The following PDSS2 variants were observed in gnomAD, a reference collection of about 807,000 sequenced individuals.
PDSS2 encodes decaprenyl diphosphate synthase subunit 2, also known as all trans-polyprenyl-diphosphate synthase PDSS2.
In PDSS2, 31 loss-of-function variants were observed where a neutral mutation model predicts 44.5. That is an observed-to-expected ratio of 0.70 (90% CI 0.52 to 0.94). The LOEUF (loss-of-function observed/expected upper bound fraction) is 0.94. PDSS2 is among the 40% of genes least tolerant of loss of function. PDSS2 has a pLI of 0.00. For synonymous variants in PDSS2, 157 were observed against 180.3 expected (o/e 0.87, Z 1.03); for missense variants, 452 against 482.2 (o/e 0.94, Z 0.59).
At chr6:107,162,494 CA>C (rs374615595) in intron 7 of PDSS2, among the ~76,000 whole-genome samples, 3,018 of 58,426 alleles carry the variant, frequency 0.052, 18 homozygotes, top group Middle Eastern at 0.16. Flanking sequence ...GAGACCATCT[CA>C]AAAAAAAAAA....
chr6:107,284,527 G>A (rs1021395012), intron 2 of PDSS2, among the ~76,000 whole-genome samples: 4 of 152,012 alleles, frequency 2.6e-5, no homozygotes, highest in African/African-American at 9.7e-5. Flanking sequence ...CTGGCGTGGT[G>A]GCAGGCGCCT....
intron 7 of PDSS2, among the ~76,000 whole-genome samples, chr6:107,173,913 G>A (rs373352687): frequency 2.0e-5 from 3 of 152,148 alleles, no homozygotes; most frequent in African/African-American, 4.8e-5. Flanking sequence ...AGTGACTCAT[G>A]AAAAATGTTG....
At chr6:107,340,369 C>T (rs1778043901) in intron 1 of PDSS2, among the ~76,000 whole-genome samples, 1 of 152,132 alleles carries the variant, frequency 6.6e-6, no homozygotes, top group East Asian at 1.9e-4. Context: ...TCAGCTCTGT[C>T]TTCTCCATTG....
At position 107,241,554 on chromosome 6, in the gene PDSS2, G is replaced by A. The variant is rs184893218; in HGVS notation, c.702+3994C>T. The stretch of plus-strand genomic sequence containing the variant: ...GTAGAGACAGGGTTTCACCGTGTTA[G>A]CCAGGACGGCCTCGATCTCCTGACC... On this transcript the variant is annotated intron_variant, in intron 4 of 7. Coordinates refer to ENST00000369037, the MANE Select transcript of PDSS2 (RefSeq NM_020381.4). 2.9e-3 allele frequency among the ~76,000 whole-genome samples: 434 copies of A among 151,934 alleles called. 6 individuals carry two copies. The highest frequency in any genetic ancestry group is 0.027 in the Admixed American group (412 of 15,240).
intron 2 of PDSS2, among the ~76,000 whole-genome samples, chr6:107,291,558 G>T (rs1776350237): frequency 1.3e-5 from 2 of 149,018 alleles, no homozygotes; most frequent in South Asian, 2.1e-4. Context: ...AGACGGGGGG[G>T]TCTCACTATG....
chr6:107,275,662 T>C (rs922594854), intron 2 of PDSS2, among the ~76,000 whole-genome samples: 10 of 152,206 alleles, frequency 6.6e-5, no homozygotes, highest in African/African-American at 2.4e-4. Context: ...ATTTGCTATG[T>C]AGCAACAGAT....
chr6:107,233,975 T>C (rs1333467512), intron 4 of PDSS2, among the ~76,000 whole-genome samples: 1 of 152,270 alleles, frequency 6.6e-6, no homozygotes, highest in South Asian at 2.1e-4. Flanking sequence ...AAGACCAGCC[T>C]GGGCAACATA....
intron 1 of PDSS2, among the ~76,000 whole-genome samples, chr6:107,391,378 G>T (rs1293905838): frequency 6.6e-6 from 1 of 152,096 alleles, no homozygotes; most frequent in Non-Finnish European, 1.5e-5. Context: ...GTAAGAAATA[G>T]ATTTTATTTT....
At chr6:107,190,851 C>T (rs796188915) in intron 7 of PDSS2, among the ~76,000 whole-genome samples, 7 of 152,248 alleles carry the variant, frequency 4.6e-5, no homozygotes, top group African/African-American at 1.4e-4. Context: ...TATATGCCAA[C>T]CCAGCAAGCT....
chr6:107,248,000 C>T (rs1298514084), intron 3 of PDSS2, among the ~76,000 whole-genome samples: 4 of 151,252 alleles, frequency 2.6e-5, no homozygotes, highest in Admixed American at 2.0e-4. Flanking sequence ...CCAGTTTGGG[C>T]GACAAGAGCG....
intron 1 of PDSS2, among the ~76,000 whole-genome samples, chr6:107,357,607 T>C (rs1261840476): frequency 2.0e-5 from 3 of 152,086 alleles, no homozygotes; most frequent in Non-Finnish European, 4.4e-5. Context: ...GACACAAACA[T>C]GCATCCATTT....
intron 3 of PDSS2, among the ~76,000 whole-genome samples, chr6:107,263,850 T>C (rs1277979262): frequency 6.6e-6 from 1 of 152,220 alleles, no homozygotes; most frequent in Non-Finnish European, 1.5e-5. Context: ...GCATTTTGAC[T>C]TTTCTAATTA....
At chr6:107,455,894 T>C (rs907232912) in intron 1 of PDSS2, among the ~76,000 whole-genome samples, 1 of 151,498 alleles carries the variant, frequency 6.6e-6, no homozygotes, top group African/African-American at 2.4e-5. Flanking sequence ...ATTCTAAAGA[T>C]AAACATGTGC....
chr6:107,271,112 C>A (rs1189861145), intron 3 of PDSS2, among the ~76,000 whole-genome samples: 1 of 152,128 alleles, frequency 6.6e-6, no homozygotes, highest in Admixed American at 6.5e-5. Flanking sequence ...TAAAGTAGAT[C>A]CTGACACTTC....
At chr6:107,284,403 G>A (rs898474740) in intron 2 of PDSS2, among the ~76,000 whole-genome samples, 6 of 152,122 alleles carry the variant, frequency 3.9e-5, no homozygotes, top group African/African-American at 1.4e-4. Flanking sequence ...GCTCACACCT[G>A]TAATCCCAGC....
chr6:107,426,657 G>A (rs542786087), intron 1 of PDSS2, among the ~76,000 whole-genome samples: 27 of 152,300 alleles, frequency 1.8e-4, no homozygotes, highest in African/African-American at 5.8e-4. Context: ...AAAGCCACAG[G>A]GGCAGAGCTG....
At chr6:107,343,547 A>T (rs1778145590) in intron 1 of PDSS2, among the ~76,000 whole-genome samples, 1 of 152,240 alleles carries the variant, frequency 6.6e-6, no homozygotes, top group Admixed American at 6.5e-5. Flanking sequence ...AAAGCAGAAA[A>T]TCTGTCCACA....
At chr6:107,205,189 GCTAT>G (rs1272510309) in intron 6 of PDSS2, among the ~76,000 whole-genome samples, 5 of 152,214 alleles carry the variant, frequency 3.3e-5, no homozygotes, top group Admixed American at 2.0e-4. Flanking sequence ...GCAATAGTAA[GCTAT>G]CTAGGGACAA....
intron 1 of PDSS2, 62 bp downstream of exon 1, chr6:107,458,928 C>G: frequency 6.7e-7 from 1 of 1,494,238 alleles, no homozygotes; most frequent in Non-Finnish European, 9.3e-7. Context: ...AATGCGTATG[C>G]CCGCCAGAAA....
Sources: gnomAD v4.1 joint callset for allele counts (sites outside exome capture counted in the v4.1 genomes callset) on GRCh38, gnomAD v4.1.1 for gene constraint, MANE v1.5 for transcripts, NCBI Gene and HGNC (gene_info 2026-07-23, HGNC 2026-07-21) for gene names.